Variants in HABP2 observed in about 807,000 individuals in gnomAD.
HABP2 encodes factor VII-activating protease.
In HABP2, 65 loss-of-function variants were observed where a neutral mutation model predicts 66.5. The observed-to-expected ratio is 0.98, with a 90% CI of 0.80 to 1.20. The LOEUF (loss-of-function observed/expected upper bound fraction) is 1.20. HABP2 is among the 50% of genes most tolerant of loss of function. HABP2 has a pLI of 0.00. For missense variants in HABP2, 786 were observed against 691.0 expected, an observed-to-expected ratio of 1.14 and a Z score of -1.54; for synonymous variants, 263 against 253.9, an observed-to-expected ratio of 1.04 and a Z score of -0.34.
intron 1 of HABP2, among the ~76,000 whole-genome samples, chr10:113,564,849 TC>T (rs1845168803): frequency 3.3e-5 from 4 of 122,090 alleles, no homozygotes; most frequent in Non-Finnish European, 6.6e-5. Context: ...CGCATCTCTC[TC>T]TTTTGTTTTT....
In HABP2 at chr10:113,584,146, A is replaced by G. The variant is rs771393045; in HGVS notation, c.1238-2A>G. Reference sequence around the variant, plus strand: ...CCATTTTCTACCTCTCTCTCCACCTAGCATTGCTCAAGTTAAAGCCAGTGG... The same window carrying G: ...CCATTTTCTACCTCTCTCTCCACCTGGCATTGCTCAAGTTAAAGCCAGTGG... On this transcript the variant is annotated splice_acceptor_variant, in intron 10 of 12. Coordinates refer to ENST00000351270, the MANE Select transcript of HABP2 (RefSeq NM_004132.5). LOFTEE classifies it high-confidence loss of function. The G allele has an allele frequency of 9.4e-5, 152 of 1,613,362 alleles. No homozygotes were observed. Among genetic ancestry groups the G allele is most frequent in the Non-Finnish European group, 1.3e-4 (148 of 1,179,508 alleles).
chr10:113,575,812 G>A (rs963676639), intron 3 of HABP2, 85 bp from the exon 4 acceptor site: 9 of 748,200 alleles, frequency 1.2e-5, no homozygotes, highest in South Asian at 9.5e-5. Flanking sequence ...TGGGGCAGGA[G>A]ACTGAAATTT....
chr10:113,583,365 T>A lies in HABP2; in HGVS notation c.1237+7T>A. ...ATTCCCCACAATGATATTGGCAAGT[T>A]CCTCTTTCATGGCTTTCCTGAGGGT... On this transcript the variant is annotated splice_region_variant and intron_variant, in intron 10 of 12. Transcript: ENST00000351270. 1 of 1,611,922 alleles carries A rather than the reference T, an allele frequency of 6.2e-7. No homozygotes were observed. Among genetic ancestry groups the A allele is most frequent in the East Asian group, 2.2e-5 (1 of 44,876 alleles).
chr10:113,563,616 G>A (rs552052141), intron 1 of HABP2, among the ~76,000 whole-genome samples: 7 of 152,088 alleles, frequency 4.6e-5, no homozygotes, highest in Non-Finnish European at 1.0e-4. Flanking sequence ...CCGAGCGCCA[G>A]CTCCTAGGAA....
In HABP2 at chr10:113,580,712, A is replaced by C. The variant is rs763503644; in HGVS notation, c.838+20A>C. 1 of 1,282,036 alleles carries C rather than the reference A, an allele frequency of 7.8e-7. No homozygotes were observed. 79.4% of individuals were successfully genotyped at this position (1,282,036 alleles called of 1,614,324 possible). ...CCCAGGGTAAAGGCCATGGCTGTTC[A>C]GAAGCCCAGGGGGTGGGGGGGATGG... On this transcript the variant is annotated intron_variant, in intron 8 of 12. Transcript: ENST00000351270.
chr10:113,570,673 C>T (rs1230574122), intron 2 of HABP2, among the ~76,000 whole-genome samples: 1 of 152,218 alleles, frequency 6.6e-6, no homozygotes, highest in Non-Finnish European at 1.5e-5. Context: ...ACATTTGACC[C>T]ATTTCTTACA....
rs375633817 is a variant in HABP2, at chr10:113,556,352, T to C, written c.69+3162T>C. On this transcript the variant is annotated intron_variant, in intron 1 of 12. Coordinates refer to ENST00000351270, the MANE Select transcript of HABP2 (RefSeq NM_004132.5). ...CCCAGCTTTTCTTGAAAATCAGACA[T>C]TTGAGTAGCATTGGGTTCACATTCT... 2.0e-5 allele frequency among the ~76,000 whole-genome samples: 3 copies of C among 152,060 alleles called. No homozygotes were observed. The South Asian group carries it at 6.2e-4, about 32-fold the overall frequency.
chr10:113,583,504 A>G (rs1206354996), intron 10 of HABP2, 146 bp downstream of exon 10: 2 of 708,688 alleles, frequency 2.8e-6, no homozygotes, highest in Non-Finnish European at 4.8e-6. Context: ...TATTCCAGGG[A>G]TTTTTAGTTT....
At chr10:113,562,222 C>T (rs1037947130) in intron 1 of HABP2, among the ~76,000 whole-genome samples, 6 of 152,200 alleles carry the variant, frequency 3.9e-5, no homozygotes, top group Non-Finnish European at 2.9e-5. Context: ...CAGCTGGGAC[C>T]ATGTGCTATT....
At chr10:113,572,467 T>A (rs1845331241) in intron 2 of HABP2, among the ~76,000 whole-genome samples, 1 of 152,200 alleles carries the variant, frequency 6.6e-6, no homozygotes, top group South Asian at 2.1e-4. Context: ...CTGAAGGGCA[T>A]TTATCTATAA....
chr10:113,563,554 C>T (rs1362399821), intron 1 of HABP2, among the ~76,000 whole-genome samples: 1 of 138,586 alleles, frequency 7.2e-6, no homozygotes, highest in African/African-American at 2.7e-5. Flanking sequence ...GCTTCAGGCT[C>T]CCCGAGAGCC....
In HABP2 at chr10:113,578,632, GATGACTGCT is replaced by G; in HGVS notation, c.578_586del (p.Asp193_Tyr195del). 1 of 1,611,586 alleles carries G rather than the reference GATGACTGCT, an allele frequency of 6.2e-7. No homozygotes were observed. The highest frequency in any genetic ancestry group is 8.5e-7 in the Non-Finnish European group (1 of 1,178,270). On this transcript the variant is annotated inframe_deletion, in exon 7 of 13. Coordinates refer to ENST00000351270, the MANE Select transcript of HABP2 (RefSeq NM_004132.5). ...TGCTACCTGCTCTCTCGGAGGTTCT[GATGACTGCT>G]ATGTTGGCGATGGCTACTCTTACCG...
chr10:113,557,863 A>C (rs1845026382), intron 1 of HABP2, among the ~76,000 whole-genome samples: 2 of 152,248 alleles, frequency 1.3e-5, no homozygotes, highest in Non-Finnish European at 2.9e-5. Context: ...AAACCCTATG[A>C]GTTAGGGACC....
intron 2 of HABP2, among the ~76,000 whole-genome samples, chr10:113,568,054 C>G (rs1287225516): frequency 4.6e-5 from 7 of 152,240 alleles, no homozygotes; most frequent in African/African-American, 1.7e-4. Context: ...CCAGGTGGGT[C>G]CTGTATCTTC....
chr10:113,574,243 G>T (rs747742981), intron 2 of HABP2, 46 bp from the exon 3 acceptor site: 1 of 937,790 alleles, frequency 1.1e-6, no homozygotes, highest in Non-Finnish European at 1.7e-6. Context: ...TGGCCTATTT[G>T]AGTGTAATGA....
chr10:113,586,704 G>A (rs1845642890), intron 12 of HABP2, among the ~76,000 whole-genome samples: 1 of 152,076 alleles, frequency 6.6e-6, no homozygotes, highest in Non-Finnish European at 1.5e-5. Context: ...GTCCTTTCTA[G>A]AATCCCAGGA....
chr10:113,581,801 A>T, intron 8 of HABP2, 75 bp from the exon 9 acceptor site: 1 of 1,502,368 alleles, frequency 6.7e-7, no homozygotes, highest in South Asian at 1.1e-5. Flanking sequence ...GCTCAGAGTC[A>T]TACCTCTGCC....
At chr10:113,565,410 C>G (rs904725059) in intron 1 of HABP2, among the ~76,000 whole-genome samples, 2 of 152,168 alleles carry the variant, frequency 1.3e-5, no homozygotes, top group Admixed American at 1.3e-4. Context: ...GCAAGGGCCT[C>G]AAGCTGCCTC....
At chr10:113,578,878 T>G in intron 7 of HABP2, 80 bp downstream of exon 7, 1 of 960,214 alleles carries the variant, frequency 1.0e-6, no homozygotes, top group Non-Finnish European at 1.7e-6. Context: ...CAGCCTCCTT[T>G]CTAGGAAGAT....
Sources: gnomAD v4.1 joint callset for allele counts (sites outside exome capture counted in the v4.1 genomes callset) on GRCh38, gnomAD v4.1.1 for gene constraint, MANE v1.5 for transcripts, NCBI Gene and HGNC (gene_info 2026-07-23, HGNC 2026-07-21) for gene names.